NSUN3: variants seen among roughly 807,000 people sequenced by gnomAD.
The protein encoded by NSUN3 is NOP2/Sun RNA methyltransferase 3.
NSUN3 carries 24 observed loss-of-function variants against 36.8 expected under a neutral mutation model. The observed-to-expected ratio is 0.65, with a 90% CI of 0.47 to 0.92. The LOEUF (loss-of-function observed/expected upper bound fraction) is 0.92, where lower values mean the gene tolerates loss of function less well. Ranked by LOEUF, NSUN3 falls within the 40% of genes least tolerant of loss-of-function variation. NSUN3 has a pLI of 0.00. For synonymous variants in NSUN3, 146 were observed against 145.2 expected (o/e 1.01, Z -0.04); for missense variants, 381 against 392.8 (o/e 0.97, Z 0.25).
chr3:94,117,884 A>T (rs895119267), intron 5 of NSUN3, among the ~76,000 whole-genome samples: 2 of 152,222 alleles, frequency 1.3e-5, no homozygotes, highest in South Asian at 2.1e-4. Flanking sequence ...TTCTGAAGGG[A>T]ATATGTGTGT....
At position 94,127,528 on chromosome 3, in the gene NSUN3, A is replaced by G. The variant is rs949071959; in HGVS notation, c.*1038A>G. 1.3e-5 allele frequency: 2 copies of G among 152,180 alleles called. No individual in the cohort carries two copies. The highest frequency in any genetic ancestry group is 6.5e-5 in the Admixed American group (1 of 15,274). The allele number at this position is 152,180 out of a possible 1,614,324, so 9.4% of individuals were successfully genotyped here. On this transcript the variant is annotated 3_prime_UTR_variant, in exon 6 of 6. Coordinates refer to ENST00000314622, the MANE Select transcript of NSUN3 (RefSeq NM_022072.5). ...TTTACATAAATCCTGGGAATACTGT[A>G]TACATTTCTTCTTATGTACTTAGGG...
chr3:94,090,763 G>C (rs1423469172), intron 3 of NSUN3, among the ~76,000 whole-genome samples: 1 of 152,082 alleles, frequency 6.6e-6, no homozygotes, highest in African/African-American at 2.4e-5. Context: ...GGTAAATTAC[G>C]TACTGAAGCT....
chr3:94,076,415 C>A (rs2077246496), intron 2 of NSUN3: 11 of 798,646 alleles, frequency 1.4e-5, no homozygotes, highest in South Asian at 8.0e-5. Flanking sequence ...ACAAGTATCC[C>A]AAATCATAAG....
intron 5 of NSUN3, among the ~76,000 whole-genome samples, chr3:94,118,054 CAA>C (rs1392870679): frequency 6.6e-6 from 1 of 151,992 alleles, no homozygotes; most frequent in African/African-American, 2.4e-5. Context: ...TTGTAGTTAA[CAA>C]TAATTTATTG....
At position 94,129,555 on chromosome 3, in the gene NSUN3, C is replaced by G. The variant is rs2077501385; in HGVS notation, c.*3065C>G. Among the ~76,000 whole-genome samples, 3 of 151,998 alleles carry G rather than the reference C, an allele frequency of 2.0e-5. No homozygotes were observed. Among genetic ancestry groups the G allele is most frequent in the African/African-American group, 7.3e-5 (3 of 41,370 alleles). ...ACCTATTGGGTACTGCACTCACTAC[C>G]TGGGTGACGGGATCGTCTGTACCCC... is the stretch of plus-strand genomic sequence containing the variant. On this transcript the variant is annotated 3_prime_UTR_variant, in exon 6 of 6. Coordinates refer to ENST00000314622, the MANE Select transcript of NSUN3 (RefSeq NM_022072.5).
chr3:94,121,752 TGTATAGAAATCCTGGATACCATAAAA>T (rs1437224160), intron 5 of NSUN3, among the ~76,000 whole-genome samples: 4 of 152,212 alleles, frequency 2.6e-5, no homozygotes, highest in Non-Finnish European at 4.4e-5. Context: ...ATACATGAGA[TGTATAGAAATCCTGGATACCATAAAA>T]TTTTAGTTAT....
chr3:94,089,878 C>CAGAAA (rs2077307523), intron 3 of NSUN3, among the ~76,000 whole-genome samples: 1 of 152,134 alleles, frequency 6.6e-6, no homozygotes, highest in South Asian at 2.1e-4. Flanking sequence ...CTAATTCTTT[C>CAGAAA]TTCTGAGGAG....
At chr3:94,063,893 A>C (rs992374963) in intron 1 of NSUN3, 1 of 153,390 alleles carries the variant, frequency 6.5e-6, no homozygotes, top group Non-Finnish European at 1.4e-5. Context: ...AGCATGAGCC[A>C]GCTGGAGTAC....
At chr3:94,082,983 C>T (rs992055424) in intron 2 of NSUN3, among the ~76,000 whole-genome samples, 1 of 152,166 alleles carries the variant, frequency 6.6e-6, no homozygotes, top group Non-Finnish European at 1.5e-5. Context: ...TATGATAATA[C>T]TTTTCCCTCT....
chr3:94,104,121 G>T (rs2077376869), intron 5 of NSUN3, among the ~76,000 whole-genome samples: 1 of 152,122 alleles, frequency 6.6e-6, no homozygotes, highest in Admixed American at 6.6e-5. Flanking sequence ...TGGCTTCCTA[G>T]AGATACCACG....
chr3:94,105,410 G>A (rs1001186642), intron 5 of NSUN3, among the ~76,000 whole-genome samples: 1 of 152,144 alleles, frequency 6.6e-6, no homozygotes, highest in Non-Finnish European at 1.5e-5. Flanking sequence ...CCATGCCATC[G>A]ACCTAAATGG....
chr3:94,126,422 A>G lies in NSUN3; in HGVS notation c.955A>G (p.Lys319Glu). Residue 319 changes from lysine to glutamate, a missense_variant, in exon 6 of 6, where the codon AAG becomes GAG. Transcript: ENST00000314622. The stretch of plus-strand genomic sequence containing the variant: ...ATGTGGGCTCTTAGTGATTCCAGAT[A>G]AGGGCAAAGCCTGGGGCCCAATGTA... ...QECGLLVIPD[K>E]GKAWGPMYVA... The G allele has an allele frequency of 6.2e-7, 1 of 1,614,172 alleles. No individual in the cohort carries two copies. Among genetic ancestry groups the G allele is most frequent in the Non-Finnish European group, 8.5e-7 (1 of 1,180,010 alleles).
Position 94,127,230 on chromosome 3 carries a change from A to T in NSUN3, c.*740A>T, listed in dbSNP as rs1439932808. 6.6e-6 allele frequency: 1 copy of T among 152,222 alleles called. No homozygotes were observed. The allele number at this position is 152,222 out of a possible 1,614,324, so 9.4% of individuals were successfully genotyped here. A position where few individuals can be genotyped will look rare whatever the true frequency, so the allele number is the denominator to read the frequency against. On this transcript the variant is annotated 3_prime_UTR_variant, in exon 6 of 6. Transcript: ENST00000314622. ...TTATGGAGTCTATCCAGCAGGCTAT[A>T]AAGCAAGTACTTGAGACAAAACCGG...
chr3:94,090,370 A>G (rs963478651), intron 3 of NSUN3, among the ~76,000 whole-genome samples: 2 of 152,218 alleles, frequency 1.3e-5, no homozygotes, highest in African/African-American at 2.4e-5. Flanking sequence ...CGTGTAAGCA[A>G]TAATTCTGCT....
intron 2 of NSUN3, among the ~76,000 whole-genome samples, chr3:94,067,051 T>A (rs922107659): frequency 1.3e-5 from 2 of 152,156 alleles, no homozygotes; most frequent in African/African-American, 4.8e-5. Flanking sequence ...ACGATGTGAT[T>A]TATGTTGAGG....
At chr3:94,111,742 A>G (rs1462924978) in intron 5 of NSUN3, among the ~76,000 whole-genome samples, 5 of 151,970 alleles carry the variant, frequency 3.3e-5, no homozygotes, top group African/African-American at 9.7e-5. Context: ...GCATGTGTGG[A>G]ACTGTCATCT....
chr3:94,110,749 C>T (rs761128165), intron 5 of NSUN3, among the ~76,000 whole-genome samples: 7 of 151,908 alleles, frequency 4.6e-5, no homozygotes, highest in Non-Finnish European at 8.8e-5. Context: ...CACACACACA[C>T]ACACACACAC....
rs2077504483 is a variant in NSUN3, at chr3:94,130,260, TAC to T, written c.*3771_*3772del. Reference sequence around the variant, plus strand: ...AGGAGCTATTACTGCTGTTTGGAAATACTTGCCTCTTGTAGATCCAGCTTTAA... The same window carrying T: ...AGGAGCTATTACTGCTGTTTGGAAATTTGCCTCTTGTAGATCCAGCTTTAA... On this transcript the variant is annotated 3_prime_UTR_variant, in exon 6 of 6. Coordinates refer to ENST00000314622, the MANE Select transcript of NSUN3 (RefSeq NM_022072.5). Among the ~76,000 whole-genome samples the T allele has an allele frequency of 6.6e-6, 1 of 152,162 alleles. No homozygotes were observed. Among genetic ancestry groups the T allele is most frequent in the Non-Finnish European group, 1.5e-5 (1 of 68,016 alleles).
At chr3:94,095,003 A>G (rs1486003384) in intron 4 of NSUN3, 30 bp from the exon 5 acceptor site, 1 of 1,611,886 alleles carries the variant, frequency 6.2e-7, no homozygotes, top group African/African-American at 1.3e-5. Flanking sequence ...GTCAGTGCAT[A>G]TTTGCATCAC....
Sources: allele counts gnomAD v4.1 joint callset (sites outside exome capture counted in the v4.1 genomes callset), GRCh38; gene constraint gnomAD v4.1.1; transcripts MANE v1.5; gene names NCBI Gene and HGNC (gene_info 2026-07-23, HGNC 2026-07-21).